Variants in SAMMSON observed in about 807,000 individuals in gnomAD.
The protein encoded by SAMMSON is long intergenic non-protein coding RNA 1212.
chr3:70,399,711 C>A (rs966646009), intron 2 of SAMMSON, among the ~76,000 whole-genome samples: 4 of 151,788 alleles, frequency 2.6e-5, no homozygotes, highest in African/African-American at 9.7e-5. Flanking sequence ...ACTGAAAATA[C>A]AAAGAAAAAT....
intron 4 of SAMMSON, among the ~76,000 whole-genome samples, chr3:70,226,383 A>G (rs968666005): frequency 3.9e-5 from 6 of 152,284 alleles, no homozygotes; most frequent in East Asian, 1.9e-4. Flanking sequence ...GGAATTTCCT[A>G]TTCTGTTGGG....
intron 4 of SAMMSON, among the ~76,000 whole-genome samples, chr3:70,158,415 T>A (rs1378897257): frequency 1.3e-5 from 2 of 152,128 alleles, no homozygotes; most frequent in Non-Finnish European, 2.9e-5. Context: ...AATAGTATTC[T>A]GTTGTATGGT....
intron 8 of SAMMSON, among the ~76,000 whole-genome samples, chr3:70,355,435 A>G (rs1702822487): frequency 6.6e-6 from 1 of 152,160 alleles, no homozygotes; most frequent in South Asian, 2.1e-4. Flanking sequence ...ACCTGACATT[A>G]CTTCCATGAA....
At chr3:70,335,231 A>C (rs550611424) in intron 7 of SAMMSON, among the ~76,000 whole-genome samples, 1 of 152,062 alleles carries the variant, frequency 6.6e-6, no homozygotes, top group African/African-American at 2.4e-5. Context: ...AAATTCCTTG[A>C]GAGCAAAGTG....
At chr3:70,079,839 C>G (rs2067261663) in intron 4 of SAMMSON, among the ~76,000 whole-genome samples, 1 of 152,148 alleles carries the variant, frequency 6.6e-6, no homozygotes, top group Non-Finnish European at 1.5e-5. Context: ...ACATCTGGAG[C>G]CTCTTTAACC....
rs188351291 is a variant in SAMMSON at position 70,306,275 on chromosome 3, G to C, written n.739+15032G>C. Among the ~76,000 whole-genome samples the C allele has an allele frequency of 5.3e-3, 802 of 152,082 alleles. 7 individuals carry two copies. Among genetic ancestry groups the C allele is most frequent in the Middle Eastern group, 0.017 (5 of 294 alleles). On this transcript the variant is annotated intron_variant and non_coding_transcript_variant, in intron 7 of 9. Transcript: ENST00000642114. ...CTCGCCACCACACGTGGCTAGCCCG[G>C]CTAATTTCTATATTTTTAGTAAAGA...
intron 4 of SAMMSON, among the ~76,000 whole-genome samples, chr3:70,129,263 G>A (rs573350493): frequency 3.3e-5 from 5 of 152,154 alleles, no homozygotes; most frequent in Admixed American, 2.0e-4. Flanking sequence ...CATTTATTAA[G>A]TACTTACTGT....
chr3:70,244,061 C>T (rs1701683310), intron 4 of SAMMSON, among the ~76,000 whole-genome samples: 2 of 152,166 alleles, frequency 1.3e-5, no homozygotes. Context: ...ACAGATTTTC[C>T]ACCGTAACTA....
chr3:70,131,949 G>T (rs531809002), intron 4 of SAMMSON, among the ~76,000 whole-genome samples: 1 of 152,244 alleles, frequency 6.6e-6, no homozygotes, highest in South Asian at 2.1e-4. Flanking sequence ...AATAGGAGAT[G>T]ATATTGAGAA....
At chr3:70,013,121 C>T (rs773397907) in intron 2 of SAMMSON, among the ~76,000 whole-genome samples, 1 of 152,014 alleles carries the variant, frequency 6.6e-6, no homozygotes, top group Non-Finnish European at 1.5e-5. Flanking sequence ...AGGTAAAACA[C>T]TTGAACAGTT....
At chr3:70,028,352 A>G (rs1204420349) in intron 3 of SAMMSON, among the ~76,000 whole-genome samples, 1 of 152,054 alleles carries the variant, frequency 6.6e-6, no homozygotes, top group East Asian at 1.9e-4. Context: ...GCTTCTTTGA[A>G]TATGTTGTGT....
chr3:70,383,521 T>C (rs917620135), intron 9 of SAMMSON, among the ~76,000 whole-genome samples: 8 of 152,026 alleles, frequency 5.3e-5, no homozygotes, highest in African/African-American at 1.9e-4. Context: ...TCCGTATGAA[T>C]TGGGGTTTTA....
chr3:70,211,145 G>A (rs558943129), intron 4 of SAMMSON, among the ~76,000 whole-genome samples: 1 of 152,002 alleles, frequency 6.6e-6, no homozygotes, highest in Admixed American at 6.6e-5. Context: ...TTCTATTCTT[G>A]TTTCTTCCTT....
intron 9 of SAMMSON, among the ~76,000 whole-genome samples, chr3:70,360,866 A>G (rs1037496994): frequency 6.6e-6 from 1 of 152,184 alleles, no homozygotes; most frequent in African/African-American, 2.4e-5. Flanking sequence ...ATAATTCTAA[A>G]TGAAGAAGCC....
chr3:70,244,922 C>T (rs1351930887), intron 4 of SAMMSON, among the ~76,000 whole-genome samples: 1 of 152,078 alleles, frequency 6.6e-6, no homozygotes, highest in Non-Finnish European at 1.5e-5. Flanking sequence ...GTCTTCAGGA[C>T]TATAAATTCT....
chr3:70,296,074 G>C (rs6549332), intron 7 of SAMMSON, among the ~76,000 whole-genome samples: 60,736 of 152,012 alleles, frequency 0.4, 12,596 homozygotes, highest in South Asian at 0.56. Context: ...TTATGTCTTA[G>C]AATTCATTCA....
At chr3:70,428,316 T>A (rs1197636267) in intron 2 of SAMMSON, among the ~76,000 whole-genome samples, 1 of 151,988 alleles carries the variant, frequency 6.6e-6, no homozygotes, top group Non-Finnish European at 1.5e-5. Flanking sequence ...GAAGAAAGAG[T>A]TAGAAGGCTA....
intron 4 of SAMMSON, among the ~76,000 whole-genome samples, chr3:70,136,209 G>A (rs184823336): frequency 1.2e-4 from 19 of 152,280 alleles, no homozygotes; most frequent in East Asian, 5.8e-4. Context: ...TATTCACACC[G>A]TTGTGTAGTC....
chr3:70,258,045 A>G (rs926231622), intron 6 of SAMMSON, among the ~76,000 whole-genome samples: 4 of 152,212 alleles, frequency 2.6e-5, no homozygotes, highest in Non-Finnish European at 5.9e-5. Flanking sequence ...GAGTCTTTTC[A>G]TTAGATGGTG....
Sources: allele counts gnomAD v4.1 joint callset (sites outside exome capture counted in the v4.1 genomes callset), GRCh38; gene constraint gnomAD v4.1.1; transcripts MANE v1.5; gene names NCBI Gene and HGNC (gene_info 2026-07-23, HGNC 2026-07-21).